The following USP9X variants were observed in gnomAD, a reference collection of about 807,000 sequenced individuals.
USP9X encodes the protein ubiquitin carboxyl-terminal hydrolase 9X.
Under a neutral mutation model 190.3 loss-of-function variants are expected in USP9X, and 7 were observed. The ratio of observed to expected loss-of-function variants is 0.04; its 90% CI spans 0.02 to 0.07. USP9X has a LOEUF of 0.07. Ranked by LOEUF, USP9X falls within the 10% of genes least tolerant of loss-of-function variation. The pLI, the probability that USP9X is intolerant of heterozygous loss-of-function variation, is 1.00. For missense variants in USP9X, 1,010 were observed against 1,916.9 expected (o/e 0.53, Z 8.83); for synonymous variants, 645 against 659.5 (o/e 0.98, Z 0.34).
At chrX:41,218,124 T>C (rs770563304) in intron 36 of USP9X, among the ~76,000 whole-genome samples, 2 of 112,069 alleles carry the variant, frequency 1.8e-5, no homozygotes, top group African/African-American at 6.5e-5. Context: ...TATTTTGTCA[T>C]TGAATCTAGG....
chrX:41,170,667 G>T, intron 20 of USP9X, 48 bp downstream of exon 20: 1 of 1,132,958 alleles, frequency 8.8e-7, no homozygotes, highest in South Asian at 2.1e-5. Context: ...ATCATGCTAG[G>T]GTTTTTGAGA....
At position 41,232,856 on chromosome X, in the gene USP9X, TTTC is replaced by T. The variant is rs2063373669; in HGVS notation, c.*335_*337del. 1 of 125,794 alleles carries T rather than the reference TTTC, an allele frequency of 7.9e-6. No homozygotes were observed. The highest frequency in any genetic ancestry group is 3.2e-5 in the African/African-American group (1 of 31,277). The allele number at this position is 125,794 out of a possible 1,213,427, so 10.4% of individuals were successfully genotyped here. On this transcript the variant is annotated 3_prime_UTR_variant, in exon 45 of 45. Transcript: ENST00000378308. ...ATCTACACAAACTACAAAAGTTAAT[TTTC>T]TTGTTACACCCACTGCACTCTGCAA...
At chrX:41,177,714 T>A (rs1245509796) in intron 21 of USP9X, among the ~76,000 whole-genome samples, 1 of 112,363 alleles carries the variant, frequency 8.9e-6, no homozygotes, top group East Asian at 2.8e-4. Context: ...TAATTTTGTT[T>A]TAATTTTGTC....
intron 20 of USP9X, 132 bp from the exon 21 acceptor site, chrX:41,171,706 G>A (rs1317514041): frequency 6.3e-6 from 5 of 788,975 alleles, no homozygotes; most frequent in African/African-American, 6.2e-5. Flanking sequence ...AGATGGGAAA[G>A]TCAGACTATT....
chrX:41,217,792 A>G (rs1280851239), intron 36 of USP9X, among the ~76,000 whole-genome samples: 1 of 111,416 alleles, frequency 9.0e-6, no homozygotes, highest in Non-Finnish European at 1.9e-5. Context: ...CGGAAGGCTG[A>G]GGTGGGAGGA....
At chrX:41,162,576 T>G (rs759574602) in intron 14 of USP9X, among the ~76,000 whole-genome samples, 1 of 112,318 alleles carries the variant, frequency 8.9e-6, no homozygotes, top group African/African-American at 3.2e-5. Context: ...TGATAGCATA[T>G]TTAACAGATT....
At position 41,221,733 on chromosome X, in the gene USP9X, C is replaced by T. The variant is rs1181187164; in HGVS notation, c.6566-1484C>T. 2.7e-5 allele frequency among the ~76,000 whole-genome samples: 3 copies of T among 111,155 alleles called. No homozygotes were observed. The East Asian group carries it at 8.5e-4, about 31-fold the overall frequency. On this transcript the variant is annotated intron_variant, in intron 38 of 44. Coordinates refer to ENST00000378308, the MANE Select transcript of USP9X (RefSeq NM_001039591.3). ...TTGTAGGGTTTTGAACAGATAATACCATCTAGAAAGAGCACTGTGGCCACA... is the reference window on the plus strand; with the variant it reads ...TTGTAGGGTTTTGAACAGATAATACTATCTAGAAAGAGCACTGTGGCCACA...
chrX:41,227,771 G>A (rs768620536), intron 41 of USP9X, among the ~76,000 whole-genome samples: 1 of 110,365 alleles, frequency 9.1e-6, no homozygotes, highest in South Asian at 3.9e-4. Context: ...CGCGATCTCG[G>A]CTCACTGCAA....
At chrX:41,114,539 G>C (rs1382045125) in intron 1 of USP9X, among the ~76,000 whole-genome samples, 2 of 101,215 alleles carry the variant, frequency 2.0e-5, no homozygotes, top group Non-Finnish European at 4.0e-5. Flanking sequence ...AGAGTGCAGT[G>C]GTGCGATCTT....
intron 36 of USP9X, 45 bp from the exon 37 acceptor site, chrX:41,218,327 C>T (rs757824203): frequency 6.1e-6 from 7 of 1,149,773 alleles, no homozygotes; most frequent in Non-Finnish European, 5.9e-6. Flanking sequence ...CTATAGAGAA[C>T]AAGTTATTGA....
Position 41,134,848 on chromosome X carries a change from C to G in USP9X, c.435+11C>G. 1.7e-6 allele frequency: 2 copies of G among 1,167,542 alleles called. No individual in the cohort carries two copies. Among genetic ancestry groups the G allele is most frequent in the Non-Finnish European group, 2.3e-6 (2 of 856,340 alleles). On this transcript the variant is annotated intron_variant, in intron 5 of 44. Coordinates refer to ENST00000378308, the MANE Select transcript of USP9X (RefSeq NM_001039591.3). ...AAGTTTGAAATTCATGTGAGTCTTG[C>G]ATTTGACTTTAAAGGATCAGATTTA...
chrX:41,208,718 GTT>G (rs1330771727), intron 32 of USP9X, among the ~76,000 whole-genome samples: 3 of 108,405 alleles, frequency 2.8e-5, no homozygotes, highest in African/African-American at 1.0e-4. Context: ...TTTGTTTTTT[GTT>G]TTTTTGAGAT....
chrX:41,212,080 G>A (rs1287351235), intron 33 of USP9X, among the ~76,000 whole-genome samples: 19 of 102,287 alleles, frequency 1.9e-4, no homozygotes, highest in East Asian at 6.4e-4. Flanking sequence ...TGTAGAAAGA[G>A]GTAGACATGG....
intron 26 of USP9X, among the ~76,000 whole-genome samples, chrX:41,191,202 G>A (rs200678901): frequency 3.7e-5 from 4 of 109,150 alleles, no homozygotes; most frequent in Non-Finnish European, 3.8e-5. Context: ...TGTGGTGGGC[G>A]CCTGTAATCC....
Position 41,153,098 on chromosome X carries a change from AAAAT to A in USP9X, c.1897+21_1897+24del. The stretch of plus-strand genomic sequence containing the variant: ...ATGCTAGAGGTATGTATTGTAAGCT[AAAAT>A]AAACTATGGGAAATAGCAGGGACCT... On this transcript the variant is annotated intron_variant, in intron 14 of 44. Transcript: ENST00000378308. 8.5e-7 allele frequency: 1 copy of A among 1,181,242 alleles called. No homozygotes were observed. The highest frequency in any genetic ancestry group is 3.0e-5 in the East Asian group (1 of 32,981).
At chrX:41,193,663 C>CA (rs202008571) in intron 26 of USP9X, among the ~76,000 whole-genome samples, 1 of 110,499 alleles carries the variant, frequency 9.0e-6, no homozygotes, top group Non-Finnish European at 1.9e-5. Context: ...GACCCAGTCT[C>CA]AAAAAAAATT....
At chrX:41,090,269 T>C (rs981116364) in intron 1 of USP9X, among the ~76,000 whole-genome samples, 1 of 110,265 alleles carries the variant, frequency 9.1e-6, no homozygotes, top group African/African-American at 3.3e-5. Flanking sequence ...TTATAGAAAA[T>C]GAGACTATAA....
intron 2 of USP9X, 75 bp downstream of exon 2, chrX:41,123,799 T>C (rs1187780276): frequency 1.0e-6 from 1 of 1,003,524 alleles, no homozygotes; most frequent in Non-Finnish European, 1.4e-6. Flanking sequence ...TCGCAGCACT[T>C]TGGGAGGTTG....
intron 2 of USP9X, among the ~76,000 whole-genome samples, chrX:41,124,712 A>T (rs1389032115): frequency 2.7e-5 from 3 of 111,669 alleles, no homozygotes; most frequent in Admixed American, 1.9e-4. Context: ...TTACAATAAG[A>T]TTATAAAAAG....
Sources: gnomAD v4.1 joint callset for allele counts (sites outside exome capture counted in the v4.1 genomes callset) on GRCh38, gnomAD v4.1.1 for gene constraint, MANE v1.5 for transcripts, NCBI Gene and HGNC (gene_info 2026-07-23, HGNC 2026-07-21) for gene names.